The following NR3C1 variants were observed in gnomAD, a reference collection of about 807,000 sequenced individuals.
The protein encoded by NR3C1 is glucocorticoid receptor.
Under a neutral mutation model 74.0 loss-of-function variants are expected in NR3C1, and 14 were observed. The ratio of observed to expected loss-of-function variants is 0.19; its 90% confidence interval spans 0.12 to 0.30. The LOEUF is 0.30. NR3C1 is among the 10% of genes least tolerant of loss of function. The probability of loss-of-function intolerance (pLI) is 1.00; values close to 1 mark genes in which losing one functional copy is unlikely to be tolerated. For synonymous variants in NR3C1, 308 were observed against 332.5 expected (o/e 0.93, Z 0.80); for missense variants, 695 against 909.8 (o/e 0.76, Z 3.04).
intron 1 of NR3C1, among the ~76,000 whole-genome samples, chr5:143,424,999 T>G (rs769295530): frequency 1.7e-4 from 26 of 152,280 alleles, no homozygotes; most frequent in Middle Eastern, 6.8e-3. Flanking sequence ...ACTTACATAC[T>G]ACAAAGCTGC....
At chr5:143,308,024 CT>C (rs1373676311) in intron 4 of NR3C1, among the ~76,000 whole-genome samples, 1 of 152,170 alleles carries the variant, frequency 6.6e-6, no homozygotes, top group Non-Finnish European at 1.5e-5. Flanking sequence ...TTTAAATAGC[CT>C]GGTCAAACGT....
At chr5:143,306,434 G>A (rs1008784411) in intron 4 of NR3C1, among the ~76,000 whole-genome samples, 3 of 152,140 alleles carry the variant, frequency 2.0e-5, no homozygotes, top group South Asian at 2.1e-4. Flanking sequence ...CCTGGCATAC[G>A]TACATACCAG....
intron 2 of NR3C1, among the ~76,000 whole-genome samples, chr5:143,386,321 G>T (rs1372916374): frequency 2.0e-5 from 3 of 152,180 alleles, no homozygotes; most frequent in African/African-American, 7.2e-5. Flanking sequence ...TAGAAAAAAA[G>T]TTGCTATTTG....
At chr5:143,432,517 A>C (rs1751879973) in intron 1 of NR3C1, among the ~76,000 whole-genome samples, 1 of 152,184 alleles carries the variant, frequency 6.6e-6, no homozygotes. Context: ...CAGCACCCTT[A>C]GGCATTTCCA....
At chr5:143,335,292 C>T (rs1826897323) in intron 2 of NR3C1, among the ~76,000 whole-genome samples, 1 of 152,074 alleles carries the variant, frequency 6.6e-6, no homozygotes, top group Non-Finnish European at 1.5e-5. Context: ...GGAAAACTCT[C>T]TGTAACCATA....
At chr5:143,404,569 G>A, upstream of NR3C1, 2 of 973,116 alleles carry the variant, frequency 2.1e-6, no homozygotes, top group South Asian at 9.5e-5. Flanking sequence ...GGCAGAAGGA[G>A]GCGCCGCCTG....
At chr5:143,431,477 C>T (rs1047732828) in intron 1 of NR3C1, among the ~76,000 whole-genome samples, 1 of 151,454 alleles carries the variant, frequency 6.6e-6, no homozygotes, top group Middle Eastern at 3.2e-3. Flanking sequence ...AGGGGAACAT[C>T]ACATACCCGG....
chr5:143,287,320 G>A (rs964909567), intron 7 of NR3C1, among the ~76,000 whole-genome samples: 2 of 151,852 alleles, frequency 1.3e-5, no homozygotes, highest in African/African-American at 4.8e-5. Context: ...AGATGATCAG[G>A]CACAAATTAT....
At position 143,399,991 on chromosome 5, in the gene NR3C1, G is replaced by A; in HGVS notation, c.849C>T (p.Phe283=). 1.2e-6 allele frequency: 2 copies of A among 1,614,154 alleles called. No individual in the cohort carries two copies. The highest frequency in any genetic ancestry group is 1.7e-6 in the Non-Finnish European group (2 of 1,180,024). Residue 283 remains phenylalanine (F), a synonymous_variant, in exon 2 of 9, where the codon TTC becomes TTT. Transcript: ENST00000394464. ...TTACCCCAGGGGTGCAGAGTTCGAT[G>A]AAATCTTCTTTTTCTGTTTTCACTT... is the stretch of plus-strand genomic sequence containing the variant. The part of the protein sequence containing the change: ...LPQVKTEKED[F]IELCTPGVIK...
At chr5:143,299,219 G>T (rs1817963406) in intron 5 of NR3C1, among the ~76,000 whole-genome samples, 1 of 151,736 alleles carries the variant, frequency 6.6e-6, no homozygotes. Flanking sequence ...TTGCTATGCT[G>T]GCCAGGCTGG....
At chr5:143,369,159 G>A (rs918726641) in intron 2 of NR3C1, among the ~76,000 whole-genome samples, 3 of 152,258 alleles carry the variant, frequency 2.0e-5, no homozygotes, top group Middle Eastern at 3.4e-3. Flanking sequence ...ACAAACATTC[G>A]AACCACAGCA....
intron 1 of NR3C1, among the ~76,000 whole-genome samples, chr5:143,410,961 CATT>C (rs1228072418): frequency 3.3e-5 from 5 of 152,082 alleles, no homozygotes; most frequent in African/African-American, 7.2e-5. Context: ...TAATCACAGT[CATT>C]ATTAAAAACC....
chr5:143,393,684 G>C (rs1838694629), intron 2 of NR3C1, among the ~76,000 whole-genome samples: 1 of 152,084 alleles, frequency 6.6e-6, no homozygotes, highest in African/African-American at 2.4e-5. Flanking sequence ...GAGCTTTAGT[G>C]TTCAGCATGT....
Position 143,399,990 on chromosome 5 carries a change from T to C in NR3C1, c.850A>G (p.Ile284Val), listed in dbSNP as rs766200119. ...ATTACCCCAGGGGTGCAGAGTTCGA[T>C]GAAATCTTCTTTTTCTGTTTTCACT... Reference protein sequence around the residue: ...PQVKTEKEDFIELCTPGVIKQ... With the variant: ...PQVKTEKEDFVELCTPGVIKQ... The change falls in exon 2 of 9, where the codon ATC (isoleucine) becomes GTC (valine). Residue 284 changes from isoleucine (I) to valine (V), a missense_variant. Transcript: ENST00000394464. 17 of 1,614,202 alleles carry C rather than the reference T, an allele frequency of 1.1e-5. No individual in the cohort carries two copies. The highest frequency in any genetic ancestry group is 1.6e-4 in the Middle Eastern group (1 of 6,062).
At chr5:143,398,862 T>C (rs1839733109) in intron 2 of NR3C1, among the ~76,000 whole-genome samples, 1 of 151,844 alleles carries the variant, frequency 6.6e-6, no homozygotes, top group African/African-American at 2.4e-5. Flanking sequence ...AACGACTGAG[T>C]AAAAAAAAGA....
intron 2 of NR3C1, among the ~76,000 whole-genome samples, chr5:143,327,817 T>C (rs1339130084): frequency 6.6e-6 from 1 of 152,258 alleles, no homozygotes; most frequent in African/African-American, 2.4e-5. Context: ...TCCGCCCCTG[T>C]GGCTCAGCAG....
At chr5:143,284,582 A>G (rs971519924) in intron 7 of NR3C1, among the ~76,000 whole-genome samples, 1 of 152,116 alleles carries the variant, frequency 6.6e-6, no homozygotes, top group African/African-American at 2.4e-5. Flanking sequence ...CTAATTCTAA[A>G]AATAACTATG....
At chr5:143,301,455 T>C (rs1818471058) in intron 4 of NR3C1, among the ~76,000 whole-genome samples, 1 of 152,246 alleles carries the variant, frequency 6.6e-6, no homozygotes, top group Non-Finnish European at 1.5e-5. Flanking sequence ...GTGGGAAATT[T>C]CCCTTTTATA....
chr5:143,371,776 G>C (rs1218094047), intron 2 of NR3C1, among the ~76,000 whole-genome samples: 1 of 152,178 alleles, frequency 6.6e-6, no homozygotes, highest in East Asian at 1.9e-4. Context: ...TAAATACTAA[G>C]AGTTCTGTGT....
Sources: gnomAD v4.1 joint callset for allele counts (sites outside exome capture counted in the v4.1 genomes callset) on GRCh38, gnomAD v4.1.1 for gene constraint, MANE v1.5 for transcripts, NCBI Gene and HGNC (gene_info 2026-07-23, HGNC 2026-07-21) for gene names.